Variants in SI observed in about 807,000 individuals in gnomAD.
SI encodes the protein sucrase-isomaltase, intestinal.
SI carries 235 observed loss-of-function variants against 253.3 expected under a neutral mutation model. The ratio of observed to expected loss-of-function variants is 0.93; its 90% CI spans 0.83 to 1.03. The LOEUF (loss-of-function observed/expected upper bound fraction) is 1.03, where lower values mean the gene tolerates loss of function less well. Ranked by LOEUF, SI falls within the 50% of genes least tolerant of loss-of-function variation. The pLI, the probability that SI is intolerant of heterozygous loss-of-function variation, is 0.00. For synonymous variants in SI, 819 were observed against 712.0 expected (o/e 1.15, Z -2.39); for missense variants, 2,442 against 2,211.1 (o/e 1.10, Z -2.09).
At chr3:165,069,245 G>T (rs1163707171) in intron 3 of SI, 50 bp from the exon 4 acceptor site, 5 of 1,181,630 alleles carry the variant, frequency 4.2e-6, no homozygotes, top group Non-Finnish European at 6.3e-6. Context: ...ATTATCAGAT[G>T]TCCCAGTCTC....
intron 34 of SI, among the ~76,000 whole-genome samples, chr3:165,012,714 G>T (rs893110133): frequency 1.7e-4 from 26 of 152,126 alleles, no homozygotes; most frequent in African/African-American, 6.0e-4. Flanking sequence ...ACAGGCATGA[G>T]CCACCGTGCC....
the SI span, among the ~76,000 whole-genome samples, chr3:165,087,901 G>A: frequency 1.3e-5 from 2 of 152,090 alleles, no homozygotes; most frequent in African/African-American, 4.8e-5. Context: ...AATGAGATAC[G>A]TACATTCTAT....
At chr3:165,008,739 C>G (rs1458127103) in intron 35 of SI, among the ~76,000 whole-genome samples, 1 of 151,706 alleles carries the variant, frequency 6.6e-6, no homozygotes, top group African/African-American at 2.4e-5. Context: ...CTGGAAAAAT[C>G]AACAAAGTAA....
intron 32 of SI, 119 bp from the exon 33 acceptor site, chr3:165,015,352 A>C (rs1350378887): frequency 8.3e-6 from 6 of 723,588 alleles, no homozygotes; most frequent in Non-Finnish European, 1.5e-5. Flanking sequence ...TCTCACATTA[A>C]ATGACAAATG....
chr3:165,044,602 A>G (rs990383671), intron 16 of SI, among the ~76,000 whole-genome samples: 1 of 151,712 alleles, frequency 6.6e-6, no homozygotes. Flanking sequence ...TTATTTTTCT[A>G]TTGTTCTTAA....
At chr3:165,034,087 A>T (rs2108208031) in intron 22 of SI, among the ~76,000 whole-genome samples, 1 of 151,922 alleles carries the variant, frequency 6.6e-6, no homozygotes, top group East Asian at 1.9e-4. Context: ...GAATCCTAGG[A>T]TTCATATAAT....
rs370327787 is a variant in SI, at chr3:165,016,105, G to A, written c.3760-25C>T. On this transcript the variant is annotated intron_variant, in intron 31 of 47. Transcript: ENST00000264382. ...CCTGAAATATCCAAAAATTATCAAA[G>A]TAGGGCAAAAAATACAAAATAGTAA... 9.4e-5 allele frequency: 151 copies of A among 1,604,654 alleles called. 2 individuals are homozygous for A. The Middle Eastern group carries it at 1.5e-3, about 16-fold the overall frequency.
the SI span, among the ~76,000 whole-genome samples, chr3:165,086,211 G>A: frequency 5.5e-4 from 84 of 152,044 alleles, no homozygotes; most frequent in African/African-American, 1.9e-3. Context: ...CTGAGATTGT[G>A]CCACTGCACT....
chr3:165,033,469 G>C (rs1553774217), intron 22 of SI, 25 bp from the exon 23 acceptor site: 1 of 1,496,656 alleles, frequency 6.7e-7, no homozygotes, highest in Admixed American at 2.0e-5. Context: ...ATCGTGATCA[G>C]TACAAAATGC....
intron 17 of SI, among the ~76,000 whole-genome samples, chr3:165,042,468 C>T (rs1287800756): frequency 5.9e-5 from 9 of 152,084 alleles, no homozygotes; most frequent in Admixed American, 5.9e-4. Context: ...CATGAGCCCA[C>T]AGTATGCTGA....
rs553466415 is a variant in SI at position 164,985,041 on chromosome 3, A to G, written c.5198-1990T>C. Among the ~76,000 whole-genome samples, 106 of 152,324 alleles carry G rather than the reference A, an allele frequency of 7.0e-4. 1 individual carries two copies. Among genetic ancestry groups the G allele is most frequent in the African/African-American group, 2.5e-3 (104 of 41,590 alleles). On this transcript the variant is annotated intron_variant, in intron 45 of 47. Coordinates refer to ENST00000264382, the MANE Select transcript of SI (RefSeq NM_001041.4). ...AAATAAGTAGATCCAATTGGCAAAA[A>G]ACAATTTTTTATACTTGCATGAGGA...
At chr3:164,990,002 TCATCATA>T (rs1717654538) in intron 44 of SI, among the ~76,000 whole-genome samples, 1 of 152,104 alleles carries the variant, frequency 6.6e-6, no homozygotes, top group Non-Finnish European at 1.5e-5. Context: ...TGGATGCGGG[TCATCATA>T]CATTTGTTTA....
chr3:164,991,540 T>C, intron 43 of SI, 63 bp from the exon 44 acceptor site: 2 of 1,523,728 alleles, frequency 1.3e-6, no homozygotes, highest in South Asian at 1.1e-5. Flanking sequence ...GCAACACTGG[T>C]AGTTGAGGAT....
Position 165,069,082 on chromosome 3 carries a change from A to G in SI, c.369T>C (p.Ser123=), listed in dbSNP as rs775757452. Residue 123 remains serine (S), a synonymous_variant, in exon 4 of 48, where the codon AGT becomes AGC. Transcript: ENST00000264382. ...GYNVQDMTTT[S]IGVEAKLNRI... ...TTATAACAGAGGACTTCTTACCAAT[A>G]CTTGTTGTTGTCATGTCTTGAACGT... 1 of 1,597,168 alleles carries G rather than the reference A, an allele frequency of 6.3e-7. No homozygotes were observed. The highest frequency in any genetic ancestry group is 1.1e-5 in the South Asian group (1 of 90,724).
intron 9 of SI, among the ~76,000 whole-genome samples, chr3:165,060,609 T>C (rs1713936581): frequency 6.6e-6 from 1 of 151,698 alleles, no homozygotes; most frequent in South Asian, 2.1e-4. Context: ...TGGGGACAAA[T>C]GGATCGCCAT....
chr3:165,078,210 T>G (rs565540766), intron 1 of SI, among the ~76,000 whole-genome samples: 1 of 151,468 alleles, frequency 6.6e-6, no homozygotes, highest in African/African-American at 2.4e-5. Context: ...AAAGTTATAA[T>G]GAAGAGTTGG....
rs761933110 is a variant in SI, at chr3:165,075,974, C to T, written c.39G>A (p.Leu13=). 3 of 1,594,060 alleles carry T rather than the reference C, an allele frequency of 1.9e-6. No homozygotes were observed. The highest frequency in any genetic ancestry group is 2.6e-6 in the Non-Finnish European group (3 of 1,166,074). Residue 13 remains leucine (L), a synonymous_variant, in exon 2 of 48, where the codon CTG becomes CTA. Coordinates refer to ENST00000264382, the MANE Select transcript of SI (RefSeq NM_001041.4). ...TAGTAACTATGACAAAAAGGACAAT[C>T]AGAGAGATTTCCAATCCACTAAATT... The part of the protein sequence containing the change: ...RKKFSGLEIS[L]IVLFVIVTII...
chr3:165,005,019 C>T (rs1334538591), intron 37 of SI, among the ~76,000 whole-genome samples: 3 of 152,142 alleles, frequency 2.0e-5, no homozygotes, highest in Admixed American at 6.6e-5. Flanking sequence ...TCTCCCATCA[C>T]TATCTCTGTC....
intron 25 of SI, among the ~76,000 whole-genome samples, chr3:165,026,503 C>T (rs1711928695): frequency 6.6e-6 from 1 of 151,310 alleles, no homozygotes; most frequent in Non-Finnish European, 1.5e-5. Flanking sequence ...ATTTACAGAA[C>T]ATTCTACCCA....
Sources: gnomAD v4.1 joint callset for allele counts (sites outside exome capture counted in the v4.1 genomes callset) on GRCh38, gnomAD v4.1.1 for gene constraint, MANE v1.5 for transcripts, NCBI Gene and HGNC (gene_info 2026-07-23, HGNC 2026-07-21) for gene names.